The following TAFA5 variants were observed in gnomAD, a reference collection of about 807,000 sequenced individuals.
TAFA5 encodes the protein TAFA chemokine like family member 5.
Under a neutral mutation model 15.3 loss-of-function variants are expected in TAFA5, and 6 were observed. That is an observed-to-expected ratio of 0.39 (90% CI 0.21 to 0.77). The LOEUF (loss-of-function observed/expected upper bound fraction) is 0.77. Ranked by LOEUF, TAFA5 falls within the 30% of genes least tolerant of loss-of-function variation. The probability of loss-of-function intolerance (pLI) is 0.41; values close to 1 mark genes in which losing one functional copy is unlikely to be tolerated. For synonymous variants in TAFA5, 103 were observed against 80.7 expected (o/e 1.28, Z -1.48); for missense variants, 161 against 193.1 (o/e 0.83, Z 0.98).
At chr22:48,610,936 AT>A (rs33919099) in intron 1 of TAFA5, among the ~76,000 whole-genome samples, 15,958 of 144,046 alleles carry the variant, frequency 0.11, 866 homozygotes, top group South Asian at 0.18. Flanking sequence ...ACCCTTAGTA[AT>A]TTTTTTTTTT....
intron 1 of TAFA5, among the ~76,000 whole-genome samples, chr22:48,623,079 A>T (rs75882716): frequency 6.6e-6 from 1 of 152,152 alleles, no homozygotes; most frequent in East Asian, 1.9e-4. Flanking sequence ...CCCTGCAGCA[A>T]TGTGTTCTGT....
chr22:48,694,264 G>A (rs538893858), intron 2 of TAFA5, among the ~76,000 whole-genome samples: 6 of 152,190 alleles, frequency 3.9e-5, no homozygotes, highest in African/African-American at 4.8e-5. Flanking sequence ...CCTGACAGTC[G>A]GCAGCTGTCC....
chr22:48,522,515 G>A (rs942182641), intron 1 of TAFA5, among the ~76,000 whole-genome samples: 8 of 152,104 alleles, frequency 5.3e-5, no homozygotes, highest in Non-Finnish European at 1.0e-4. Context: ...CTACACTCGC[G>A]TCCTCCGCTT....
At chr22:48,707,664 C>G (rs548344635) in intron 2 of TAFA5, 53 bp from the exon 3 acceptor site, 8 of 1,592,330 alleles carry the variant, frequency 5.0e-6, no homozygotes, top group Non-Finnish European at 6.9e-6. Flanking sequence ...TCAGCAACAC[C>G]CTCACGATCC....
chr22:48,563,131 C>T (rs1260989579), intron 1 of TAFA5, among the ~76,000 whole-genome samples: 2 of 152,226 alleles, frequency 1.3e-5, no homozygotes, highest in South Asian at 2.1e-4. Flanking sequence ...GGCCGCCCCT[C>T]CTCAGGTACT....
At chr22:48,664,824 A>G (rs748715191) in intron 2 of TAFA5, among the ~76,000 whole-genome samples, 30 of 152,148 alleles carry the variant, frequency 2.0e-4, no homozygotes, top group Admixed American at 4.6e-4. Flanking sequence ...ACCGCCATCT[A>G]TCTGTCTGTG....
chr22:48,646,585 T>C lies in TAFA5; in HGVS notation c.113-12T>C, dbSNP rs1435058111. On this transcript the variant is annotated splice_polypyrimidine_tract_variant and intron_variant, in intron 1 of 3. Coordinates refer to ENST00000402357, the MANE Select transcript of TAFA5 (RefSeq NM_001082967.3). Reference sequence around the variant, plus strand: ...CGTGTGGCCGCTCAGTCGCTTCTGCTCCTCTCTGCAGGTCAGCTGGCCGCC... The same window carrying C: ...CGTGTGGCCGCTCAGTCGCTTCTGCCCCTCTCTGCAGGTCAGCTGGCCGCC... The C allele has an allele frequency of 1.2e-5, 19 of 1,611,764 alleles. No homozygotes were observed. Among genetic ancestry groups the C allele is most frequent in the Non-Finnish European group, 1.5e-5 (18 of 1,179,450 alleles).
chr22:48,730,578 T>A (rs1439817354), intron 3 of TAFA5, among the ~76,000 whole-genome samples: 1 of 152,220 alleles, frequency 6.6e-6, no homozygotes, highest in Non-Finnish European at 1.5e-5. Context: ...CACCATGTTT[T>A]CAACAGCGTA....
chr22:48,554,538 G>C (rs1025660341), intron 1 of TAFA5, among the ~76,000 whole-genome samples: 6 of 152,186 alleles, frequency 3.9e-5, no homozygotes, highest in African/African-American at 1.2e-4. Flanking sequence ...GGATTTCAAA[G>C]AATGAGACTG....
chr22:48,552,914 C>G lies in TAFA5; in HGVS notation c.112+63210C>G, dbSNP rs1323057346. The stretch of plus-strand genomic sequence containing the variant: ...GTTGTGACGGCCCTGTCTGCATTCC[C>G]TGCAGAATACCCCAGAGACTCAGAC... On this transcript the variant is annotated intron_variant, in intron 1 of 3. Coordinates refer to ENST00000402357, the MANE Select transcript of TAFA5 (RefSeq NM_001082967.3). The surrounding 1 kb of genome is among the most constrained non-coding windows in gnomAD (Gnocchi z 4.1). 1.3e-5 allele frequency among the ~76,000 whole-genome samples: 2 copies of G among 152,086 alleles called. No homozygotes were observed. Among genetic ancestry groups the G allele is most frequent in the African/African-American group, 2.4e-5 (1 of 41,426 alleles).
chr22:48,534,939 C>T (rs1045037575), intron 1 of TAFA5, among the ~76,000 whole-genome samples: 3 of 152,118 alleles, frequency 2.0e-5, no homozygotes, highest in Admixed American at 6.5e-5. Context: ...AGCACAGACG[C>T]CTTAGCTCCT....
At chr22:48,583,268 A>G (rs1222278011) in intron 1 of TAFA5, among the ~76,000 whole-genome samples, 1 of 146,300 alleles carries the variant, frequency 6.8e-6, no homozygotes, top group African/African-American at 2.5e-5. Flanking sequence ...CTATACACAC[A>G]CCACACACCA....
chr22:48,588,081 GT>G (rs1361626363), intron 1 of TAFA5, among the ~76,000 whole-genome samples: 1 of 152,228 alleles, frequency 6.6e-6, no homozygotes, highest in Non-Finnish European at 1.5e-5. Context: ...GGCTCCAGTG[GT>G]TTGGGGGGTT....
intron 3 of TAFA5, among the ~76,000 whole-genome samples, chr22:48,733,442 C>G (rs1929922648): frequency 6.6e-6 from 1 of 152,202 alleles, no homozygotes; most frequent in African/African-American, 2.4e-5. Context: ...GCAAGTTGCC[C>G]TATGTCTCTT....
At chr22:48,507,231 G>A (rs1569162064) in intron 1 of TAFA5, among the ~76,000 whole-genome samples, 1 of 135,166 alleles carries the variant, frequency 7.4e-6, no homozygotes, top group African/African-American at 2.9e-5. Context: ...AGGAGAAGGA[G>A]ACAGTCATCA....
intron 2 of TAFA5, among the ~76,000 whole-genome samples, chr22:48,690,610 A>C (rs1342894113): frequency 1.3e-5 from 2 of 152,098 alleles, no homozygotes; most frequent in Non-Finnish European, 1.5e-5. Context: ...CTTTGTGGGC[A>C]ATTCACCCTT....
chr22:48,616,627 C>T (rs746433018), intron 1 of TAFA5, among the ~76,000 whole-genome samples: 79 of 151,240 alleles, frequency 5.2e-4, no homozygotes, highest in Non-Finnish European at 7.1e-4. Context: ...GGAGTGGCCT[C>T]GCTGAGGCCG....
At chr22:48,542,128 G>A (rs1039782765) in intron 1 of TAFA5, among the ~76,000 whole-genome samples, 15 of 146,324 alleles carry the variant, frequency 1.0e-4, no homozygotes, top group African/African-American at 3.8e-4. Flanking sequence ...TGTGGTGTGT[G>A]TGATGTGTAT....
chr22:48,570,035 C>T (rs1923531226), intron 1 of TAFA5, among the ~76,000 whole-genome samples: 1 of 152,222 alleles, frequency 6.6e-6, no homozygotes, highest in Admixed American at 6.5e-5. Flanking sequence ...TGCAGATCAC[C>T]CCTCTTTCTG....
Sources: allele counts gnomAD v4.1 joint callset (sites outside exome capture counted in the v4.1 genomes callset), GRCh38; gene constraint gnomAD v4.1.1; non-coding constraint Gnocchi (gnomAD v3.1); transcripts MANE v1.5; gene names NCBI Gene and HGNC (gene_info 2026-07-23, HGNC 2026-07-21).